Variants in NIT1 observed in about 807,000 individuals in gnomAD.
The protein encoded by NIT1 is nitrilase 1, also known as deaminated glutathione amidase.
In NIT1, 30 loss-of-function variants were observed where a neutral mutation model predicts 36.8. The ratio of observed to expected loss-of-function variants is 0.82; its 90% confidence interval spans 0.61 to 1.11. The LOEUF (loss-of-function observed/expected upper bound fraction) is 1.11. NIT1 is among the 50% of genes least tolerant of loss of function. NIT1 has a pLI of 0.00. For synonymous variants in NIT1, 151 were observed against 155.6 expected (o/e 0.97, Z 0.22); for missense variants, 438 against 410.6 (o/e 1.07, Z -0.58).
downstream of NIT1, chr1:161,124,616 G>C (rs1372891033): frequency 9.2e-6 from 13 of 1,409,496 alleles, no homozygotes; most frequent in Admixed American, 3.7e-4. Context: ...ACAATGCCTG[G>C]CACAGTATAG....
chr1:161,122,987 T>C (rs1187896873), downstream of NIT1: 4 of 1,613,660 alleles, frequency 2.5e-6, no homozygotes, highest in South Asian at 1.1e-5. The surrounding 1 kb of genome is among the most constrained non-coding windows in gnomAD (Gnocchi z 4.2). Context: ...AATCTCACAC[T>C]GAATAGCATA....
At chr1:161,119,464 G>A in intron 3 of NIT1, 45 bp from the exon 4 acceptor site, 1 of 1,613,366 alleles carries the variant, frequency 6.2e-7, no homozygotes, top group Non-Finnish European at 8.5e-7. Context: ...TGAGGGTAGA[G>A]CCTTGAGAAG....
In NIT1 at chr1:161,120,926, C is replaced by T; in HGVS notation, c.*161C>T. On this transcript the variant is annotated 3_prime_UTR_variant, in exon 7 of 7. Transcript: ENST00000368009. Reference sequence around the variant, plus strand: ...ACAGATGGGCTGCTTGGGAAAGAAACTTTCACCTGAGCTTCACCTGAGGTC... The same window carrying T: ...ACAGATGGGCTGCTTGGGAAAGAAATTTTCACCTGAGCTTCACCTGAGGTC... 7.0e-7 allele frequency: 1 copy of T among 1,428,274 alleles called. No individual in the cohort carries two copies. Among genetic ancestry groups the T allele is most frequent in the South Asian group, 1.5e-5 (1 of 66,324 alleles). 88.5% of individuals were successfully genotyped at this position (1,428,274 alleles called of 1,614,324 possible).
chr1:161,122,560 C>T (rs1340930953), downstream of NIT1: 2 of 1,590,154 alleles, frequency 1.3e-6, no homozygotes, highest in Non-Finnish European at 1.7e-6. This position sits in a 1 kb window ranked among gnomAD's most constrained non-coding sequence, Gnocchi z 4.2. Flanking sequence ...GAAGAGGTTA[C>T]AGTAAGGGAT....
At chr1:161,121,298 C>A, downstream of NIT1, 2 of 535,104 alleles carry the variant, frequency 3.7e-6, no homozygotes, top group Non-Finnish European at 4.8e-6. Flanking sequence ...ATGCCCTTTG[C>A]CCAAGCCAGA....
chr1:161,122,399 G>A, downstream of NIT1: 1 of 1,614,246 alleles, frequency 6.2e-7, no homozygotes, highest in Non-Finnish European at 8.5e-7. This position sits in a 1 kb window ranked among gnomAD's most constrained non-coding sequence, Gnocchi z 4.2. Context: ...GGGACTTGAG[G>A]ATGGTGTTGG....
chr1:161,120,677 A>G lies in NIT1; in HGVS notation c.896A>G (p.Asn299Ser), dbSNP rs34359959. The G allele has an allele frequency of 4.7e-4, 756 of 1,614,108 alleles. 1 individual carries two copies. The highest frequency in any genetic ancestry group is 3.5e-3 in the African/African-American group (264 of 75,036). ...CTCTGCCTTGCCCGAATAGACCTCAACTATCTGCGACAGTTGCGCCGACAC... is the reference window on the plus strand; with the variant it reads ...CTCTGCCTTGCCCGAATAGACCTCAGCTATCTGCGACAGTTGCGCCGACAC... The part of the protein sequence containing the change: ...PGLCLARIDL[N>S]YLRQLRRHLP... Residue 299 changes from asparagine to serine, a missense_variant, in exon 7 of 7, where the codon AAC (asparagine) becomes AGC (serine). Asn to Ser is a conservative substitution (Grantham distance 46). Transcript: ENST00000368009.
chr1:161,120,068 G>A, intron 5 of NIT1, 39 bp from the exon 6 acceptor site: 1 of 1,613,568 alleles, frequency 6.2e-7, no homozygotes, highest in Non-Finnish European at 8.5e-7. Context: ...GTGACAAACA[G>A]AGCAGGAAGA....
chr1:161,120,906 T>C lies in NIT1; in HGVS notation c.*141T>C. The C allele has an allele frequency of 4.2e-6, 6 of 1,434,122 alleles. No homozygotes were observed. The highest frequency in any genetic ancestry group is 5.5e-6 in the Non-Finnish European group (6 of 1,098,550). The allele number at this position is 1,434,122 out of a possible 1,614,324, so 88.8% of individuals were successfully genotyped here. A position where few individuals can be genotyped will look rare whatever the true frequency, so the allele number is the denominator to read the frequency against. On this transcript the variant is annotated 3_prime_UTR_variant, in exon 7 of 7. Coordinates refer to ENST00000368009, the MANE Select transcript of NIT1 (RefSeq NM_005600.3). ...CTTGACTCTCTTGATGGAACACAGA[T>C]GGGCTGCTTGGGAAAGAAACTTTCA...
At chr1:161,124,948 T>A (rs1014395221), downstream of NIT1, 1 of 156,802 alleles carries the variant, frequency 6.4e-6, no homozygotes. Flanking sequence ...AGAAAAAAAT[T>A]AGCAAGGCAT....
chr1:161,121,986 T>A, downstream of NIT1: 14 of 875,362 alleles, frequency 1.6e-5, no homozygotes, highest in Middle Eastern at 3.7e-4. Flanking sequence ...CAGGGAGGGG[T>A]GGGGAATACC....
chr1:161,124,436 G>A, downstream of NIT1: 1 of 1,605,008 alleles, frequency 6.2e-7, no homozygotes, highest in Non-Finnish European at 8.5e-7. Context: ...GCCACACCTG[G>A]CTTGCCCGCC....
At position 161,118,146 on chromosome 1, in the gene NIT1, G is replaced by T; in HGVS notation, c.-31G>T. On this transcript the variant is annotated 5_prime_UTR_variant, in exon 1 of 7. Transcript: ENST00000368009. ...CTGGCTCCAGACCGCCCTCCGGATCGGACCCTGCGAATGGTTTTGGCTATA... is the reference window on the plus strand; with the variant it reads ...CTGGCTCCAGACCGCCCTCCGGATCTGACCCTGCGAATGGTTTTGGCTATA... 1 of 1,613,974 alleles carries T rather than the reference G, an allele frequency of 6.2e-7. No homozygotes were observed. Among genetic ancestry groups the T allele is most frequent in the Non-Finnish European group, 8.5e-7 (1 of 1,179,920 alleles).
intron 2 of NIT1, 96 bp from the exon 3 acceptor site, chr1:161,119,038 A>T: frequency 6.7e-7 from 1 of 1,494,922 alleles, no homozygotes; most frequent in Non-Finnish European, 9.3e-7. Context: ...GATCAAAAGG[A>T]AGTCCAGCTT....
chr1:161,120,713 T>C lies in NIT1; in HGVS notation c.932T>C (p.Phe311Ser). Reference protein sequence around the residue: ...LRQLRRHLPVFQHRRPDLYGN... With the variant: ...LRQLRRHLPVSQHRRPDLYGN... ...CAGTTGCGCCGACACCTGCCTGTGTTCCAGCACCGCAGGCCTGACCTCTAT... is the reference window on the plus strand; with the variant it reads ...CAGTTGCGCCGACACCTGCCTGTGTCCCAGCACCGCAGGCCTGACCTCTAT... Residue 311 changes from phenylalanine to serine, a missense_variant, in exon 7 of 7, where the codon TTC becomes TCC. Coordinates refer to ENST00000368009, the MANE Select transcript of NIT1 (RefSeq NM_005600.3). The C allele has an allele frequency of 6.2e-7, 1 of 1,613,978 alleles. No homozygotes were observed.
At chr1:161,124,006 A>G (rs1243922927), downstream of NIT1, 1 of 1,593,970 alleles carries the variant, frequency 6.3e-7, no homozygotes, top group Non-Finnish European at 8.5e-7. Flanking sequence ...GTCAGTCCAA[A>G]CCCCCAGTGG....
At chr1:161,121,922 C>A (rs980741113), downstream of NIT1, 5 of 553,054 alleles carry the variant, frequency 9.0e-6, no homozygotes, top group Non-Finnish European at 1.6e-5. Flanking sequence ...TGTAGAGACA[C>A]ATTACGGGGT....
chr1:161,118,486 A>T (rs752905690), intron 1 of NIT1: 1 of 1,536,090 alleles, frequency 6.5e-7, no homozygotes, highest in East Asian at 2.4e-5. Context: ...AAAACCAAGG[A>T]TAGTTCCCGG....
chr1:161,124,283 G>A (rs1280275463), downstream of NIT1: 5 of 1,614,122 alleles, frequency 3.1e-6, no homozygotes, highest in African/African-American at 4.0e-5. Flanking sequence ...CATTTCGGAT[G>A]AGTCCACGCT....
Sources: allele counts gnomAD v4.1 joint callset, GRCh38; gene constraint gnomAD v4.1.1; non-coding constraint Gnocchi (gnomAD v3.1); transcripts MANE v1.5; gene names NCBI Gene and HGNC (gene_info 2026-07-23, HGNC 2026-07-21).